PRKCZ: variants seen among roughly 807,000 people sequenced by gnomAD.
The protein encoded by PRKCZ is protein kinase C zeta type.
PRKCZ carries 33 observed loss-of-function variants against 79.5 expected under a neutral mutation model. The observed-to-expected ratio is 0.41, with a 90% CI of 0.31 to 0.55. The LOEUF is 0.55. Ranked by LOEUF, PRKCZ falls within the 20% of genes least tolerant of loss-of-function variation. The probability of loss-of-function intolerance (pLI) is 0.19; values close to 1 mark genes in which losing one functional copy is unlikely to be tolerated. For synonymous variants in PRKCZ, 342 were observed against 320.9 expected (o/e 1.07, Z -0.70); for missense variants, 578 against 813.5 (o/e 0.71, Z 3.52).
chr1:2,075,320 G>T lies in PRKCZ; in HGVS notation c.334+15729G>T. The T allele has an allele frequency of 6.6e-6, 1 of 152,478 alleles. No individual in the cohort carries two copies. The highest frequency in any genetic ancestry group is 1.5e-5 in the Non-Finnish European group (1 of 68,170). 9.4% of individuals were successfully genotyped at this position (152,478 alleles called of 1,614,324 possible). ...GTGAATACACTGCTGGGGTGGGAGC[G>T]CCGTGGCCAGGGTCAGGATTCGAGC... is the stretch of plus-strand genomic sequence containing the variant. On this transcript the variant is annotated intron_variant, in intron 4 of 17. Coordinates refer to ENST00000378567, the MANE Select transcript of PRKCZ (RefSeq NM_002744.6). This position sits in a 1 kb window ranked among gnomAD's most constrained non-coding sequence, Gnocchi z 4.8.
At chr1:2,071,797 G>A (rs946075728) in intron 4 of PRKCZ, among the ~76,000 whole-genome samples, 7 of 152,298 alleles carry the variant, frequency 4.6e-5, no homozygotes, top group Admixed American at 2.0e-4. Context: ...CATGGTATTC[G>A]GTGGTCTTAT....
At chr1:2,074,141 C>T (rs576388450) in intron 4 of PRKCZ, 2 of 1,541,256 alleles carry the variant, frequency 1.3e-6, no homozygotes, top group Non-Finnish European at 1.8e-6. Flanking sequence ...CAGCAGCTCC[C>T]AGCAATGTCA....
At chr1:2,180,346 G>T (rs1686320040) in intron 16 of PRKCZ, among the ~76,000 whole-genome samples, 1 of 152,214 alleles carries the variant, frequency 6.6e-6, no homozygotes, top group African/African-American at 2.4e-5. Context: ...CAGACGCCCG[G>T]ACGACGTGGA....
intron 4 of PRKCZ, among the ~76,000 whole-genome samples, chr1:2,124,354 G>A (rs75941496): frequency 1.8e-5 from 1 of 54,552 alleles, no homozygotes; most frequent in African/African-American, 6.4e-5. Context: ...GGGTCACGGC[G>A]GTGGTTAGGG....
chr1:2,150,599 T>C (rs1482073038), intron 8 of PRKCZ, among the ~76,000 whole-genome samples, 191 bp from the exon 9 acceptor site: 1 of 152,242 alleles, frequency 6.6e-6, no homozygotes, highest in Non-Finnish European at 1.5e-5. Context: ...CCTTAAATTC[T>C]TACCTTTCAT....
intron 1 of PRKCZ, among the ~76,000 whole-genome samples, chr1:2,051,622 C>CTCAG (rs1557464059): frequency 6.6e-6 from 1 of 152,206 alleles, no homozygotes; most frequent in Non-Finnish European, 1.5e-5. Flanking sequence ...CCGGTGCGTC[C>CTCAG]TCAGCTACAG....
At chr1:2,110,196 C>T (rs1307718887) in intron 4 of PRKCZ, among the ~76,000 whole-genome samples, 1 of 107,994 alleles carries the variant, frequency 9.3e-6, no homozygotes, top group African/African-American at 3.9e-5. Context: ...AGACACAGAA[C>T]GGCCAGGGCT....
chr1:2,155,974 A>C (rs199636449), intron 9 of PRKCZ, 21 bp from the exon 10 acceptor site: 1 of 1,607,014 alleles, frequency 6.2e-7, no homozygotes, highest in East Asian at 2.2e-5. Flanking sequence ...CCTCATTACC[A>C]CTCCCTGGTT....
At chr1:2,074,289 G>T in intron 4 of PRKCZ, 1 of 1,549,502 alleles carries the variant, frequency 6.5e-7, no homozygotes, top group Middle Eastern at 1.7e-4. Flanking sequence ...TGTGGCCCAG[G>T]CCTGGTGGAT....
chr1:2,080,365 G>T (rs982253394), intron 4 of PRKCZ, among the ~76,000 whole-genome samples: 2 of 119,976 alleles, frequency 1.7e-5, no homozygotes. Flanking sequence ...CGTGGCAGGT[G>T]TGGACCAGCA....
At chr1:2,137,344 T>TG (rs1676421796) in intron 5 of PRKCZ, among the ~76,000 whole-genome samples, 1 of 152,200 alleles carries the variant, frequency 6.6e-6, no homozygotes, top group African/African-American at 2.4e-5. Context: ...GGGTGGGTCT[T>TG]GCCCTCCCAG....
intron 8 of PRKCZ, among the ~76,000 whole-genome samples, chr1:2,150,088 G>A (rs1480825853): frequency 6.6e-6 from 1 of 150,680 alleles, no homozygotes; most frequent in Non-Finnish European, 1.5e-5. Context: ...CGTGAACCCG[G>A]GAGGTGGAGC....
intron 5 of PRKCZ, among the ~76,000 whole-genome samples, chr1:2,140,230 G>GA (rs1403488342): frequency 6.6e-6 from 1 of 152,210 alleles, no homozygotes; most frequent in Non-Finnish European, 1.5e-5. Flanking sequence ...GCTCGCAATG[G>GA]AAAACCACAA....
intron 1 of PRKCZ, among the ~76,000 whole-genome samples, chr1:2,052,460 C>T (rs1172097697): frequency 6.6e-6 from 1 of 151,202 alleles, no homozygotes; most frequent in African/African-American, 2.4e-5. Context: ...GTTGTTTTCC[C>T]TCCTCTTCCC....
Position 2,085,677 on chromosome 1 carries a change from C to G in PRKCZ, c.334+26086C>G, listed in dbSNP as rs2490554. Reference sequence around the variant, plus strand: ...GGCCCTGTTCTCAGAGCCCGTGAGGCACCGTGCTGGAGGGGCTGAGGACGT... The same window carrying G: ...GGCCCTGTTCTCAGAGCCCGTGAGGGACCGTGCTGGAGGGGCTGAGGACGT... On this transcript the variant is annotated intron_variant, in intron 4 of 17. Coordinates refer to ENST00000378567, the MANE Select transcript of PRKCZ (RefSeq NM_002744.6). 8.6e-5 allele frequency among the ~76,000 whole-genome samples: 6 copies of G among 69,566 alleles called. No individual in the cohort carries two copies. In the East Asian group the frequency reaches 5.4e-3, roughly 63 times the overall value. 45.6% of individuals were successfully genotyped at this position (69,566 alleles called of 152,430 possible).
At chr1:2,129,048 G>C (rs565357475) in intron 4 of PRKCZ, among the ~76,000 whole-genome samples, 1 of 152,268 alleles carries the variant, frequency 6.6e-6, no homozygotes, top group South Asian at 2.1e-4. Flanking sequence ...TGACTTTTGA[G>C]GGGTGGGGAC....
intron 4 of PRKCZ, among the ~76,000 whole-genome samples, chr1:2,093,894 C>T (rs12732952): frequency 0.12 from 18,111 of 152,154 alleles, 1,163 homozygotes; most frequent in Middle Eastern, 0.16. Flanking sequence ...GGTCCGCGGC[C>T]GTCAGCGTTG....
rs1685776544 is a variant in PRKCZ, at chr1:2,177,858, C to A, written c.1575+2545C>A. Among the ~76,000 whole-genome samples the A allele has an allele frequency of 6.6e-6, 1 of 152,108 alleles. No homozygotes were observed. The highest frequency in any genetic ancestry group is 2.1e-4 in the South Asian group (1 of 4,826). ...GTGACTTCCATCCCAGCCTGAGAGG[C>A]CTGCGAAGGGCTTGCCACCGACTGC... On this transcript the variant is annotated intron_variant, in intron 16 of 17. Transcript: ENST00000378567. The surrounding 1 kb of genome is among the most constrained non-coding windows in gnomAD (Gnocchi z 6.4).
chr1:2,137,933 G>A (rs948614375), intron 5 of PRKCZ, among the ~76,000 whole-genome samples: 1 of 152,240 alleles, frequency 6.6e-6, no homozygotes, highest in African/African-American at 2.4e-5. Context: ...GGCGAGAGTG[G>A]CCCGAAAGCC....
Sources: gnomAD v4.1 joint callset for allele counts (sites outside exome capture counted in the v4.1 genomes callset) on GRCh38, gnomAD v4.1.1 for gene constraint, Gnocchi (gnomAD v3.1) non-coding constraint, MANE v1.5 for transcripts, NCBI Gene and HGNC (gene_info 2026-07-23, HGNC 2026-07-21) for gene names.